The following GRB2 variants were observed in gnomAD, a reference collection of about 807,000 sequenced individuals.
GRB2 encodes growth factor receptor-bound protein 2.
A neutral mutation model predicts 27.4 loss-of-function variants in GRB2; 2 were observed. The observed-to-expected ratio is 0.07, with a 90% CI of 0.03 to 0.23. The LOEUF is 0.23. Among genes scored for constraint, GRB2 ranks in the 10% least tolerant of loss-of-function variants. The pLI is 1.00. For missense variants in GRB2, 102 were observed against 282.4 expected (o/e 0.36, Z 4.58); for synonymous variants, 94 against 99.6 (o/e 0.94, Z 0.33).
At chr17:75,383,997 G>A (rs1260209320) in intron 2 of GRB2, among the ~76,000 whole-genome samples, 2 of 152,108 alleles carry the variant, frequency 1.3e-5, no homozygotes, top group Non-Finnish European at 2.9e-5. Context: ...GCCCAAGATC[G>A]CAATGCCCGA....
intron 2 of GRB2, among the ~76,000 whole-genome samples, chr17:75,385,262 C>T (rs777860105): frequency 4.0e-5 from 6 of 151,870 alleles, no homozygotes; most frequent in African/African-American, 1.5e-4. Flanking sequence ...TAAGGCTGAC[C>T]GTGGTGGCTC....
In GRB2 at chr17:75,401,020, T is replaced by C. The variant is rs1276714801; in HGVS notation, c.-138+4469A>G. ...CTCTGTCGCCCAGGCTAGAGTGCAG[T>C]GGTATGATCTCTGCTCAAAGCAACC... On this transcript the variant is annotated intron_variant, in intron 1 of 5. Transcript: ENST00000316804. Among the ~76,000 whole-genome samples, 7 of 150,932 alleles carry C rather than the reference T, an allele frequency of 4.6e-5. No individual in the cohort carries two copies. In the South Asian group the frequency reaches 1.3e-3, roughly 27 times the overall value.
intron 1 of GRB2, chr17:75,404,988 G>A (rs367564332): frequency 6.6e-6 from 1 of 152,128 alleles, no homozygotes. Flanking sequence ...CAGAATAAAG[G>A]TATCTCCCCC....
intron 2 of GRB2, among the ~76,000 whole-genome samples, chr17:75,350,978 C>A (rs1011800063): frequency 3.3e-5 from 5 of 152,068 alleles, no homozygotes; most frequent in African/African-American, 9.7e-5. Context: ...GAGAACTGAG[C>A]CCGACTGTGC....
chr17:75,369,705 A>AAG (rs1555611761), intron 2 of GRB2, among the ~76,000 whole-genome samples: 1 of 151,156 alleles, frequency 6.6e-6, no homozygotes, highest in Non-Finnish European at 1.5e-5. Context: ...AAAAAAAAAA[A>AAG]AAAATTAGCC....
At chr17:75,365,188 A>T (rs1387412271) in intron 2 of GRB2, among the ~76,000 whole-genome samples, 1 of 152,152 alleles carries the variant, frequency 6.6e-6, no homozygotes, top group Non-Finnish European at 1.5e-5. Flanking sequence ...CTGCAGCTCC[A>T]TCTGCTGCCC....
intron 2 of GRB2, among the ~76,000 whole-genome samples, chr17:75,333,141 T>C (rs1212258136): frequency 6.6e-6 from 1 of 152,050 alleles, no homozygotes; most frequent in East Asian, 1.9e-4. Flanking sequence ...AGTGGCGCGA[T>C]CTTGGCTCAC....
intron 3 of GRB2, among the ~76,000 whole-genome samples, chr17:75,331,029 CAAAA>C (rs1475472728): frequency 6.6e-6 from 1 of 151,812 alleles, no homozygotes; most frequent in Non-Finnish European, 1.5e-5. Context: ...AACAAACAAA[CAAAA>C]AAACAGGAGG....
chr17:75,322,540 G>A (rs1205905441), intron 4 of GRB2, among the ~76,000 whole-genome samples: 1 of 152,042 alleles, frequency 6.6e-6, no homozygotes, highest in Admixed American at 6.6e-5. Flanking sequence ...CAATTCTCTC[G>A]TAACTGGGAA....
intron 2 of GRB2, among the ~76,000 whole-genome samples, chr17:75,392,174 G>C (rs770369837): frequency 6.6e-6 from 1 of 152,168 alleles, no homozygotes; most frequent in Non-Finnish European, 1.5e-5. Context: ...ACTTTGCCCT[G>C]ATCTCTAGCT....
At chr17:75,364,308 A>G (rs1307720066) in intron 2 of GRB2, among the ~76,000 whole-genome samples, 1 of 152,208 alleles carries the variant, frequency 6.6e-6, no homozygotes, top group African/African-American at 2.4e-5. Context: ...AACATGTTTG[A>G]GAAATGAGTT....
At chr17:75,330,282 G>A (rs9896662) in intron 3 of GRB2, among the ~76,000 whole-genome samples, 2 of 151,764 alleles carry the variant, frequency 1.3e-5, no homozygotes. Flanking sequence ...CTCAGGAGGT[G>A]GAGGCAGGAG....
At chr17:75,350,640 C>T (rs553791969) in intron 2 of GRB2, among the ~76,000 whole-genome samples, 15 of 152,200 alleles carry the variant, frequency 9.9e-5, no homozygotes, top group East Asian at 9.6e-4. Flanking sequence ...TACAGGCACC[C>T]GTCACCACGC....
chr17:75,345,434 G>A (rs112973104), intron 2 of GRB2, among the ~76,000 whole-genome samples: 10 of 152,256 alleles, frequency 6.6e-5, no homozygotes, highest in African/African-American at 1.9e-4. Flanking sequence ...TGTGACCCAA[G>A]AGCCACCTCA....
In GRB2 at chr17:75,320,877, G is replaced by C. The variant is rs1043209944; in HGVS notation, c.469-324C>G. On this transcript the variant is annotated intron_variant, in intron 5 of 5. Transcript: ENST00000316804. The surrounding 1 kb of genome is among the most constrained non-coding windows in gnomAD (Gnocchi z 4.3). Reference sequence around the variant, plus strand: ...CTTCAGAAACAGCCATCTGTGTTTAGGCCGTGGGCCCAGAATCGCAAATCC... The same window carrying C: ...CTTCAGAAACAGCCATCTGTGTTTACGCCGTGGGCCCAGAATCGCAAATCC... Among the ~76,000 whole-genome samples, 4 of 152,284 alleles carry C rather than the reference G, an allele frequency of 2.6e-5. No individual in the cohort carries two copies. The South Asian group carries it at 6.2e-4, about 24-fold the overall frequency.
At chr17:75,381,537 T>G (rs1439582246) in intron 2 of GRB2, among the ~76,000 whole-genome samples, 1 of 151,182 alleles carries the variant, frequency 6.6e-6, no homozygotes, top group Non-Finnish European at 1.5e-5. Context: ...GCCAACATAG[T>G]GAAACCCTCG....
At chr17:75,340,734 TAAATAAGTGCTTCAC>T (rs999783256) in intron 2 of GRB2, among the ~76,000 whole-genome samples, 3 of 152,158 alleles carry the variant, frequency 2.0e-5, no homozygotes, top group Admixed American at 2.0e-4. Context: ...ACTAACACTT[TAAATAAGTGCTTCAC>T]AATCACCACC....
At chr17:75,348,914 A>C (rs889718560) in intron 2 of GRB2, among the ~76,000 whole-genome samples, 1 of 152,034 alleles carries the variant, frequency 6.6e-6, no homozygotes, top group Non-Finnish European at 1.5e-5. Flanking sequence ...GAGTTCAAGC[A>C]ATCCGCCCAC....
At chr17:75,398,026 G>C (rs571549251) in intron 1 of GRB2, among the ~76,000 whole-genome samples, 1 of 151,948 alleles carries the variant, frequency 6.6e-6, no homozygotes, top group Non-Finnish European at 1.5e-5. Context: ...ATTTTTAGTA[G>C]AGATGGGGTT....
Sources: allele counts gnomAD v4.1 joint callset (sites outside exome capture counted in the v4.1 genomes callset), GRCh38; gene constraint gnomAD v4.1.1; non-coding constraint Gnocchi (gnomAD v3.1); transcripts MANE v1.5; gene names NCBI Gene and HGNC (gene_info 2026-07-23, HGNC 2026-07-21).